The following ABCA10 variants were observed in gnomAD, a reference collection of about 807,000 sequenced individuals.
The protein encoded by ABCA10 is ATP-binding cassette sub-family A member 10.
In ABCA10, 169 loss-of-function variants were observed where a neutral mutation model predicts 187.5. That is an observed-to-expected ratio of 0.90 (90% CI 0.80 to 1.02). The LOEUF is 1.02. Ranked by LOEUF, ABCA10 falls within the 50% of genes least tolerant of loss-of-function variation. ABCA10 has a pLI of 0.00. For synonymous variants in ABCA10, 574 were observed against 601.8 expected (o/e 0.95, Z 0.68); for missense variants, 1,727 against 1,812.4 (o/e 0.95, Z 0.86).
chr17:69,221,733 A>G, intron 5 of ABCA10, 59 bp downstream of exon 5: 1 of 1,430,654 alleles, frequency 7.0e-7, no homozygotes, highest in Non-Finnish European at 9.6e-7. Context: ...GATGAGGCAG[A>G]TATTTAAAAA....
rs1158094273 is a variant in ABCA10 at position 69,185,464 on chromosome 17, C to T, written c.2497+13G>A. 6.3e-7 allele frequency: 1 copy of T among 1,596,838 alleles called. No homozygotes were observed. The highest frequency in any genetic ancestry group is 8.5e-7 in the Non-Finnish European group (1 of 1,170,594). On this transcript the variant is annotated intron_variant, in intron 20 of 38. Transcript: ENST00000690296. Reference sequence around the variant, plus strand: ...AATAAAAACTCACACTAAATTTCAGCCCCATTTCTCACCTGTATTATTAAC... The same window carrying T: ...AATAAAAACTCACACTAAATTTCAGTCCCATTTCTCACCTGTATTATTAAC...
At chr17:69,172,706 G>T (rs1036548702) in intron 25 of ABCA10, among the ~76,000 whole-genome samples, 2 of 151,700 alleles carry the variant, frequency 1.3e-5, no homozygotes, top group Non-Finnish European at 2.9e-5. Context: ...ACAAAAAAGG[G>T]AAGAAAAAAG....
In ABCA10 at chr17:69,153,854, T is replaced by A. The variant is rs2074150832; in HGVS notation, c.3942A>T (p.Glu1314Asp). ...LYAAVKGLGK[E>D]DAALSISRLV... is the part of the protein sequence containing the mutation. ...ACCGTGAAATACTGAGAGCAGCATC[T>A]TCTTTGCCCAGTCCTTTCACAGCTG... The change falls in exon 32 of 39, where the codon GAA (glutamate) becomes GAT (aspartate). Residue 1314 changes from glutamate to aspartate, a missense_variant. Coordinates refer to ENST00000690296, the MANE Select transcript of ABCA10 (RefSeq NM_001377321.1). The A allele has an allele frequency of 5.6e-6, 9 of 1,613,558 alleles. No individual in the cohort carries two copies. The highest frequency in any genetic ancestry group is 7.6e-6 in the Non-Finnish European group (9 of 1,179,794).
Position 69,154,950 on chromosome 17 carries a change from C to A in ABCA10, c.3694+69G>T, listed in dbSNP as rs1598085285. On this transcript the variant is annotated intron_variant, in intron 30 of 38. Transcript: ENST00000690296. ...CAGTCTCAATGAATAAAAATTTGTC[C>A]CCTTTGTAGTCTTAAATCTAGAGAA... 1.2e-5 allele frequency: 14 copies of A among 1,136,696 alleles called. No homozygotes were observed. The East Asian group carries it at 2.9e-4, about 24-fold the overall frequency. The allele number at this position is 1,136,696 out of a possible 1,614,324, so 70.4% of individuals were successfully genotyped here.
chr17:69,206,074 A>C (rs946106247), intron 9 of ABCA10, among the ~76,000 whole-genome samples: 17 of 152,170 alleles, frequency 1.1e-4, no homozygotes, highest in Admixed American at 8.5e-4. Flanking sequence ...TTCATAGTAG[A>C]CAGAATTTGA....
chr17:69,177,657 AATAATGT>A (rs1030556679), intron 22 of ABCA10, among the ~76,000 whole-genome samples: 29 of 152,136 alleles, frequency 1.9e-4, no homozygotes, highest in African/African-American at 6.7e-4. Context: ...AACTAAATTA[AATAATGT>A]ATAGTGAGGC....
rs943760323 is a variant in ABCA10, at chr17:69,220,643, G to A, written c.304-872C>T. Reference sequence around the variant, plus strand: ...CAGAAAAACATCCATGTTCATTTTTGCGCATACTAAGTTTGAATTGCTTGA... The same window carrying A: ...CAGAAAAACATCCATGTTCATTTTTACGCATACTAAGTTTGAATTGCTTGA... On this transcript the variant is annotated intron_variant, in intron 5 of 38. Transcript: ENST00000690296. 6.6e-5 allele frequency among the ~76,000 whole-genome samples: 10 copies of A among 152,224 alleles called. No homozygotes were observed. The East Asian group carries it at 1.9e-3, about 29-fold the overall frequency.
rs1352455903 is a variant in ABCA10, at chr17:69,201,601, AT to A, written c.1073del (p.Asn358IlefsTer11). 3.1e-6 allele frequency: 5 copies of A among 1,612,700 alleles called. No homozygotes were observed. Among genetic ancestry groups the A allele is most frequent in the African/African-American group, 1.3e-5 (1 of 74,864 alleles). The part of the protein sequence containing the change: ...LKSSFWSKHQ[N>X]THHEIFENEI... ...CATTCTCAAAGATTTCATGATGAGT[AT>A]TTTGATGTTTGGACCAAAATGAGGA... On this transcript the variant is annotated frameshift_variant, in exon 10 of 39. Transcript: ENST00000690296. LOFTEE classifies it high-confidence loss of function.
chr17:69,151,961 C>T lies in ABCA10; in HGVS notation c.4397+82G>A, dbSNP rs181892626. On this transcript the variant is annotated intron_variant, in intron 36 of 38. Transcript: ENST00000690296. Reference sequence around the variant, plus strand: ...ATAAGTCCACTCTGCCTTTCTCTTCCGGTTTAGACTAGCACAAAACTAATT... The same window carrying T: ...ATAAGTCCACTCTGCCTTTCTCTTCTGGTTTAGACTAGCACAAAACTAATT... The T allele has an allele frequency of 1.2e-4, 189 of 1,518,646 alleles. No homozygotes were observed. In the African/African-American group the frequency reaches 1.7e-3, roughly 14 times the overall value. 94.1% of individuals were successfully genotyped at this position (1,518,646 alleles called of 1,614,324 possible).
intron 9 of ABCA10, among the ~76,000 whole-genome samples, chr17:69,211,646 C>T (rs1465585950): frequency 3.3e-5 from 5 of 151,796 alleles, no homozygotes; most frequent in Admixed American, 2.0e-4. Context: ...TTTTAATTAC[C>T]ATTTCAATCT....
At chr17:69,156,584 C>A (rs2074175980) in intron 28 of ABCA10, among the ~76,000 whole-genome samples, 1 of 152,068 alleles carries the variant, frequency 6.6e-6, no homozygotes, top group South Asian at 2.1e-4. Flanking sequence ...TACTTGAGGT[C>A]AGGGGTTTGA....
rs11320201 is a variant in ABCA10 at position 69,177,955 on chromosome 17, C to CA, written c.2770-2443dup. On this transcript the variant is annotated intron_variant, in intron 22 of 38. Coordinates refer to ENST00000690296, the MANE Select transcript of ABCA10 (RefSeq NM_001377321.1). ...TGGGTGACAGAATGAGACTCCATTT[C>CA]AAAAAAAAAAAAAAAAAAATATATA... Among the ~76,000 whole-genome samples the CA allele has an allele frequency of 1.2e-3, 81 of 64,958 alleles. 2 individuals are homozygous for CA. Among genetic ancestry groups the CA allele is most frequent in the South Asian group, 2.9e-3 (5 of 1,746 alleles). 42.6% of individuals were successfully genotyped at this position (64,958 alleles called of 152,430 possible).
Position 69,148,537 on chromosome 17 carries a change from A to G in ABCA10, c.*290T>C. On this transcript the variant is annotated 3_prime_UTR_variant, in exon 39 of 39. Coordinates refer to ENST00000690296, the MANE Select transcript of ABCA10 (RefSeq NM_001377321.1). ...TCTCAGTGTTAGCTTTATTGATAATAACCGATAACCAACCTAATATTGTAT... is the reference window on the plus strand; with the variant it reads ...TCTCAGTGTTAGCTTTATTGATAATGACCGATAACCAACCTAATATTGTAT... 4.3e-6 allele frequency: 1 copy of G among 235,290 alleles called. No homozygotes were observed. Among genetic ancestry groups the G allele is most frequent in the Non-Finnish European group, 8.2e-6 (1 of 121,384 alleles). The allele number at this position is 235,290 out of a possible 1,614,324, so 14.6% of individuals were successfully genotyped here. A position where few individuals can be genotyped will look rare whatever the true frequency, so the allele number is the denominator to read the frequency against.
At chr17:69,168,717 G>C (rs375608591) in intron 25 of ABCA10, among the ~76,000 whole-genome samples, 15 of 152,274 alleles carry the variant, frequency 9.9e-5, no homozygotes, top group South Asian at 8.3e-4. Context: ...GACCCAGTGG[G>C]AGATGACTGA....
chr17:69,239,950 G>A (rs966533240), intron 1 of ABCA10, among the ~76,000 whole-genome samples: 3 of 152,232 alleles, frequency 2.0e-5, no homozygotes, highest in African/African-American at 7.2e-5. Context: ...CATGTACCAT[G>A]GCTTTTCAAT....
intron 25 of ABCA10, among the ~76,000 whole-genome samples, chr17:69,171,061 T>C (rs1274843117): frequency 3.3e-5 from 5 of 152,200 alleles, no homozygotes; most frequent in African/African-American, 1.2e-4. Flanking sequence ...GAAAATCTTT[T>C]GGGGATGAAA....
chr17:69,150,066 G>A lies in ABCA10; in HGVS notation c.4398-3C>T. On this transcript the variant is annotated splice_region_variant and splice_polypyrimidine_tract_variant and intron_variant, in intron 36 of 38. Transcript: ENST00000690296. ...TATACGCCATTAAAGAGGAATATCT[G>A]TCAGGAAGAAGAGTGAGATTTATTA... 1 of 1,605,840 alleles carries A rather than the reference G, an allele frequency of 6.2e-7. No individual in the cohort carries two copies. Among genetic ancestry groups the A allele is most frequent in the Non-Finnish European group, 8.5e-7 (1 of 1,173,852 alleles).
chr17:69,159,853 T>A (rs2074201219), intron 27 of ABCA10, among the ~76,000 whole-genome samples: 1 of 152,104 alleles, frequency 6.6e-6, no homozygotes, highest in African/African-American at 2.4e-5. Flanking sequence ...CTCCCATATA[T>A]GCTCAAATAA....
intron 11 of ABCA10, 113 bp downstream of exon 11, chr17:69,196,951 C>A (rs564815626): frequency 4.1e-6 from 3 of 732,178 alleles, no homozygotes; most frequent in South Asian, 2.0e-5. Context: ...TGCAGTGAGC[C>A]GAGATGGCGG....
Sources: gnomAD v4.1 joint callset for allele counts (sites outside exome capture counted in the v4.1 genomes callset) on GRCh38, gnomAD v4.1.1 for gene constraint, MANE v1.5 for transcripts, NCBI Gene and HGNC (gene_info 2026-07-23, HGNC 2026-07-21) for gene names.